Variants in SP2 observed in about 807,000 individuals in gnomAD.
SP2 encodes the protein transcription factor Sp2.
Under a neutral mutation model 50.1 loss-of-function variants are expected in SP2, and 9 were observed. The ratio of observed to expected loss-of-function variants is 0.18; its 90% confidence interval spans 0.11 to 0.31. The LOEUF (loss-of-function observed/expected upper bound fraction) is 0.31, where lower values mean the gene tolerates loss of function less well. Among genes scored for constraint, SP2 ranks in the 10% least tolerant of loss-of-function variants. SP2 has a pLI of 1.00. For missense variants in SP2, 581 were observed against 806.5 expected (o/e 0.72, Z 3.39); for synonymous variants, 313 against 326.6 (o/e 0.96, Z 0.45).
chr17:47,927,547 A>G (rs1270491165), intron 6 of SP2, among the ~76,000 whole-genome samples, 177 bp from the exon 7 acceptor site: 1 of 151,838 alleles, frequency 6.6e-6, no homozygotes, highest in Admixed American at 6.6e-5. Context: ...AAAAAAAAAA[A>G]AAAAAGATAT....
chr17:47,922,308 G>A (rs912351486), intron 3 of SP2, among the ~76,000 whole-genome samples: 4 of 152,194 alleles, frequency 2.6e-5, no homozygotes, highest in South Asian at 4.1e-4. Flanking sequence ...TCTAATTTGC[G>A]TATTTTTAAG....
intron 1 of SP2, among the ~76,000 whole-genome samples, chr17:47,911,939 T>C (rs1377473475): frequency 1.3e-5 from 2 of 152,130 alleles, no homozygotes; most frequent in Admixed American, 1.3e-4. Context: ...TCTCAGCACT[T>C]AGGTGGAGGC....
intron 2 of SP2, among the ~76,000 whole-genome samples, chr17:47,915,595 T>C (rs890640438): frequency 1.3e-5 from 2 of 152,184 alleles, no homozygotes; most frequent in African/African-American, 4.8e-5. Flanking sequence ...AGGATTAAAC[T>C]CTGTGTTCCT....
At chr17:47,904,149 C>T (rs1228998940) in intron 1 of SP2, among the ~76,000 whole-genome samples, 1 of 151,038 alleles carries the variant, frequency 6.6e-6, no homozygotes, top group Non-Finnish European at 1.5e-5. Flanking sequence ...CCTGTAGTCC[C>T]AGCTACTCGG....
intron 4 of SP2, among the ~76,000 whole-genome samples, chr17:47,924,337 A>G (rs1006879634): frequency 2.1e-4 from 2 of 9,336 alleles, no homozygotes; most frequent in Non-Finnish European, 9.6e-4. Context: ...GGGTCTCCCT[A>G]TATGCCCAGG....
At position 47,925,064 on chromosome 17, in the gene SP2, G is replaced by T. The variant is rs752370009; in HGVS notation, c.1518G>T (p.Thr506=). Residue 506 remains threonine (T), a synonymous_variant, in exon 5 of 7, where the codon ACG becomes ACT. Transcript: ENST00000376741. ...PGEKRRRMAC[T]CPNCKDGEKR... ...AGAAGCGGCGCCGCATGGCCTGCAC[G>T]TGTCCCAACTGCAAGGATGGGGAGA... is the stretch of plus-strand genomic sequence containing the variant. 2 of 1,612,844 alleles carry T rather than the reference G, an allele frequency of 1.2e-6. No individual in the cohort carries two copies. Among genetic ancestry groups the T allele is most frequent in the African/African-American group, 1.3e-5 (1 of 74,926 alleles).
intron 1 of SP2, among the ~76,000 whole-genome samples, chr17:47,913,080 C>CT (rs1437876554): frequency 6.6e-6 from 1 of 152,012 alleles, no homozygotes; most frequent in Non-Finnish European, 1.5e-5. Flanking sequence ...AGGCTGGTCT[C>CT]TAACTCCTGA....
rs144978386 is a variant in SP2 at position 47,925,243 on chromosome 17, C to G, written c.1548-105C>G. Reference sequence around the variant, plus strand: ...CTTGCCCCCTGCCTCCTTGTGCTCTCTGACCTGACCCCACATCCTCACTGC... The same window carrying G: ...CTTGCCCCCTGCCTCCTTGTGCTCTGTGACCTGACCCCACATCCTCACTGC... On this transcript the variant is annotated intron_variant, in intron 5 of 6. Transcript: ENST00000376741. The G allele has an allele frequency of 4.9e-5, 69 of 1,416,752 alleles. No homozygotes were observed. In the African/African-American group the frequency reaches 9.0e-4, roughly 18 times the overall value. The allele number at this position is 1,416,752 out of a possible 1,614,324, so 87.8% of individuals were successfully genotyped here.
At position 47,917,901 on chromosome 17, in the gene SP2, G is replaced by A. The variant is rs115144076; in HGVS notation, c.1059+771G>A. ...CTCTGTGAGGCAAGTTTTATTCTTT[G>A]TTCATGCCTGCTAAGTGCCAGTAAT... is the stretch of plus-strand genomic sequence containing the variant. On this transcript the variant is annotated intron_variant, in intron 3 of 6. Coordinates refer to ENST00000376741, the MANE Select transcript of SP2 (RefSeq NM_003110.6). The A allele has an allele frequency of 3.7e-3, 1,024 of 273,856 alleles. 10 individuals are homozygous for A. Among genetic ancestry groups the A allele is most frequent in the African/African-American group, 0.022 (961 of 43,560 alleles). 17.0% of individuals were successfully genotyped at this position (273,856 alleles called of 1,614,324 possible).
chr17:47,896,546 G>C (rs2034340197), intron 1 of SP2, among the ~76,000 whole-genome samples: 1 of 152,116 alleles, frequency 6.6e-6, no homozygotes, highest in African/African-American at 2.4e-5. Flanking sequence ...CGGGCGGGAG[G>C]GCGGCGCTTC....
In SP2 at chr17:47,928,214, A is replaced by G. The variant is rs1598179407; in HGVS notation, c.*390A>G. The G allele has an allele frequency of 6.7e-6, 1 of 149,048 alleles. No homozygotes were observed. The highest frequency in any genetic ancestry group is 1.4e-4 in the South Asian group (1 of 7,228). The allele number at this position is 149,048 out of a possible 1,614,324, so 9.2% of individuals were successfully genotyped here. A position where few individuals can be genotyped will look rare whatever the true frequency, so the allele number is the denominator to read the frequency against. On this transcript the variant is annotated 3_prime_UTR_variant, in exon 7 of 7. Transcript: ENST00000376741. ...AACACTGCCGGAGTCGCGTCATGCCATGCCCCCTCTCCTGCACCTCCCTGG... is the reference window on the plus strand; with the variant it reads ...AACACTGCCGGAGTCGCGTCATGCCGTGCCCCCTCTCCTGCACCTCCCTGG...
chr17:47,897,053 C>T (rs953196380), intron 1 of SP2, among the ~76,000 whole-genome samples: 17 of 152,250 alleles, frequency 1.1e-4, no homozygotes, highest in African/African-American at 4.1e-4. Context: ...TGTTACTTGA[C>T]GCCCCGTAGG....
intron 1 of SP2, among the ~76,000 whole-genome samples, chr17:47,909,917 G>A (rs1012128053): frequency 2.6e-5 from 4 of 152,136 alleles, no homozygotes; most frequent in East Asian, 3.9e-4. Flanking sequence ...GCACCATCTC[G>A]GCTCACTGCA....
intron 1 of SP2, among the ~76,000 whole-genome samples, chr17:47,902,047 G>C (rs898221730): frequency 6.6e-6 from 1 of 152,264 alleles, no homozygotes; most frequent in South Asian, 2.1e-4. Context: ...AAAAAGGGGG[G>C]TGGCAATTTA....
chr17:47,909,582 C>G, intron 1 of SP2: 7 of 366,278 alleles, frequency 1.9e-5, no homozygotes, highest in Non-Finnish European at 2.7e-5. Context: ...GCCATATATG[C>G]CTTTAAACCC....
At chr17:47,911,506 CA>C (rs71366807) in intron 1 of SP2, among the ~76,000 whole-genome samples, 1,706 of 68,990 alleles carry the variant, frequency 0.025, 23 homozygotes, top group Middle Eastern at 0.073. Flanking sequence ...GACTACATCT[CA>C]AAAAAAAAAA....
intron 1 of SP2, among the ~76,000 whole-genome samples, chr17:47,912,594 G>T (rs1440972520): frequency 6.6e-6 from 1 of 152,016 alleles, no homozygotes; most frequent in Non-Finnish European, 1.5e-5. Context: ...ATAGGCATGT[G>T]CCACCATGTC....
chr17:47,900,548 A>C (rs968586824), intron 1 of SP2, among the ~76,000 whole-genome samples: 1 of 152,200 alleles, frequency 6.6e-6, no homozygotes, highest in Non-Finnish European at 1.5e-5. Flanking sequence ...AGGCTGAGGC[A>C]GGCAGATCAC....
chr17:47,930,160 G>A (rs547852853), downstream of SP2, among the ~76,000 whole-genome samples: 613 of 152,216 alleles, frequency 4.0e-3, 9 homozygotes, highest in African/African-American at 0.013. Context: ...TCTCATCACC[G>A]CACTGGCAGC....
Sources: allele counts gnomAD v4.1 joint callset (sites outside exome capture counted in the v4.1 genomes callset), GRCh38; gene constraint gnomAD v4.1.1; transcripts MANE v1.5; gene names NCBI Gene and HGNC (gene_info 2026-07-23, HGNC 2026-07-21).